Variants in ALLC observed in about 807,000 individuals in gnomAD.
The protein encoded by ALLC is probable inactive allantoicase.
A neutral mutation model predicts 45.0 loss-of-function variants in ALLC; 40 were observed. The ratio of observed to expected loss-of-function variants is 0.89; its 90% CI spans 0.69 to 1.16. The LOEUF (loss-of-function observed/expected upper bound fraction) is 1.16. ALLC is among the 50% of genes most tolerant of loss of function. ALLC has a pLI of 0.00. For synonymous variants in ALLC, 176 were observed against 178.1 expected (o/e 0.99, Z 0.09); for missense variants, 488 against 493.1 (o/e 0.99, Z 0.10).
intron 1 of ALLC, among the ~76,000 whole-genome samples, chr2:3,661,408 C>T (rs1044272039): frequency 6.6e-6 from 1 of 152,172 alleles, no homozygotes; most frequent in Non-Finnish European, 1.5e-5. Flanking sequence ...TTAAGCTTGG[C>T]CTGTGGGGGC....
chr2:3,695,534 G>C lies in ALLC; in HGVS notation c.512-183G>C, dbSNP rs1181417424. ...TTGGAGAGCTGGGAAAGTTGTTCTG[G>C]TACAGGGTAATATCAAGTGCAAAGG... On this transcript the variant is annotated intron_variant, in intron 7 of 11. Transcript: ENST00000252505. The C allele has an allele frequency of 2.3e-5, 14 of 616,114 alleles. No individual in the cohort carries two copies. The East Asian group carries it at 3.9e-4, about 17-fold the overall frequency. 38.2% of individuals were successfully genotyped at this position (616,114 alleles called of 1,614,324 possible). A position where few individuals can be genotyped will look rare whatever the true frequency, so the allele number is the denominator to read the frequency against.
chr2:3,646,950 C>G, the ALLC span, among the ~76,000 whole-genome samples: 1 of 126,858 alleles, frequency 7.9e-6, no homozygotes, highest in East Asian at 2.5e-4. Flanking sequence ...TGTCACTGAG[C>G]AGGTCATCTC....
chr2:3,695,647 G>A, intron 7 of ALLC, 70 bp from the exon 8 acceptor site: 3 of 1,537,826 alleles, frequency 2.0e-6, no homozygotes, highest in Non-Finnish European at 2.7e-6. Flanking sequence ...GAAGACAGGA[G>A]GGTCCTGTAG....
the ALLC span, among the ~76,000 whole-genome samples, chr2:3,651,951 G>T: frequency 1.3e-5 from 2 of 152,234 alleles, no homozygotes; most frequent in Non-Finnish European, 2.9e-5. Context: ...GTCTGTGGCC[G>T]GTGAGGGCTG....
At chr2:3,651,295 TTTGGG>T in the ALLC span, among the ~76,000 whole-genome samples, 300 of 4,530 alleles carry the variant, frequency 0.066, 71 homozygotes, top group South Asian at 0.1. Flanking sequence ...GGGAATTCTT[TTTGGG>T]TGGGTGGGTG....
At position 3,673,448 on chromosome 2, in the gene ALLC, T is replaced by C. The variant is rs533382976; in HGVS notation, c.34-627T>C. Among the ~76,000 whole-genome samples, 10 of 152,358 alleles carry C rather than the reference T, an allele frequency of 6.6e-5. No homozygotes were observed. The East Asian group carries it at 1.7e-3, about 26-fold the overall frequency. ...CAGCAGCTCTGAAACAGCTCGTCCTTCCTGCCTTTCGAACTCCTGGGCTGG... is the reference window on the plus strand; with the variant it reads ...CAGCAGCTCTGAAACAGCTCGTCCTCCCTGCCTTTCGAACTCCTGGGCTGG... On this transcript the variant is annotated intron_variant, in intron 2 of 11. Coordinates refer to ENST00000252505, the MANE Select transcript of ALLC (RefSeq NM_018436.4).
intron 7 of ALLC, among the ~76,000 whole-genome samples, chr2:3,693,516 T>C (rs1667576483): frequency 1.3e-5 from 2 of 152,234 alleles, no homozygotes; most frequent in East Asian, 1.9e-4. Flanking sequence ...AGACTGAGCA[T>C]TGGCCATAAA....
chr2:3,651,301 TGGGTGGG>T, the ALLC span, among the ~76,000 whole-genome samples: 2 of 7,774 alleles, frequency 2.6e-4, no homozygotes, highest in African/African-American at 3.9e-4. Context: ...TCTTTTTGGG[TGGGTGGG>T]TGGGTGGGGG....
At chr2:3,659,932 G>T (rs76221886) in intron 1 of ALLC, among the ~76,000 whole-genome samples, 8,721 of 152,300 alleles carry the variant, frequency 0.057, 361 homozygotes, top group East Asian at 0.21. Context: ...TGGAGGCCCA[G>T]CTTTAAACGG....
intron 1 of ALLC, among the ~76,000 whole-genome samples, chr2:3,661,752 T>C (rs1444454637): frequency 3.9e-5 from 6 of 152,158 alleles, no homozygotes; most frequent in African/African-American, 1.2e-4. Context: ...GCTCTAGGTG[T>C]GTATTATAGT....
At chr2:3,651,524 T>G in the ALLC span, among the ~76,000 whole-genome samples, 2 of 150,674 alleles carry the variant, frequency 1.3e-5, no homozygotes, top group African/African-American at 4.9e-5. Flanking sequence ...GTCAGACTCT[T>G]CAGAAAGCAC....
the ALLC span, among the ~76,000 whole-genome samples, chr2:3,651,301 T>TGGGGGGGGGGGGGGGGG: frequency 1.3e-4 from 1 of 7,772 alleles, no homozygotes. Flanking sequence ...TCTTTTTGGG[T>TGGGGGGGGGGGGGGGGG]GGGTGGGTGG....
At chr2:3,686,665 T>C (rs1269511173) in intron 7 of ALLC, among the ~76,000 whole-genome samples, 1 of 151,056 alleles carries the variant, frequency 6.6e-6, no homozygotes, top group Non-Finnish European at 1.5e-5. Context: ...CTTCGTAGGA[T>C]AAATGGATTC....
intron 7 of ALLC, 139 bp from the exon 8 acceptor site, chr2:3,695,578 G>T: frequency 1.1e-6 from 1 of 883,420 alleles, no homozygotes; most frequent in Non-Finnish European, 1.8e-6. Flanking sequence ...CAGTGGGCTT[G>T]TTGTATTTGA....
At chr2:3,692,416 A>G (rs1572529521) in intron 7 of ALLC, among the ~76,000 whole-genome samples, 4 of 152,196 alleles carry the variant, frequency 2.6e-5, no homozygotes. Flanking sequence ...AAGTTTATGG[A>G]TTTGTGTTGG....
intron 7 of ALLC, 172 bp from the exon 8 acceptor site, chr2:3,695,545 T>A: frequency 1.5e-6 from 1 of 647,744 alleles, no homozygotes; most frequent in Non-Finnish European, 2.7e-6. Flanking sequence ...TACAGGGTAA[T>A]ATCAAGTGCA....
At position 3,684,793 on chromosome 2, in the gene ALLC, T is replaced by A. The variant is rs1015136214; in HGVS notation, c.511+1719T>A. 1.1e-4 allele frequency among the ~76,000 whole-genome samples: 16 copies of A among 152,166 alleles called. No homozygotes were observed. In the East Asian group the frequency reaches 1.2e-3, roughly 11 times the overall value. On this transcript the variant is annotated intron_variant, in intron 7 of 11. Transcript: ENST00000252505. The stretch of plus-strand genomic sequence containing the variant: ...TGTATATATACCATATTTTCTTTTT[T>A]AAAATATTTTCAATTATGGGCACAT...
chr2:3,693,804 A>T (rs184239474), intron 7 of ALLC, among the ~76,000 whole-genome samples: 9 of 152,306 alleles, frequency 5.9e-5, no homozygotes, highest in Admixed American at 5.9e-4. Flanking sequence ...CCTGGCCAAC[A>T]TGGGGAAACC....
chr2:3,701,465 T>A, intron 10 of ALLC, 47 bp from the exon 11 acceptor site: 2 of 1,535,638 alleles, frequency 1.3e-6, no homozygotes, highest in South Asian at 2.4e-5. Context: ...TACGCCAAAC[T>A]GAGTGCAAAT....
Sources: allele counts gnomAD v4.1 joint callset (sites outside exome capture counted in the v4.1 genomes callset), GRCh38; gene constraint gnomAD v4.1.1; transcripts MANE v1.5; gene names NCBI Gene and HGNC (gene_info 2026-07-23, HGNC 2026-07-21).